The following UQCC1 variants were observed in gnomAD, a reference collection of about 807,000 sequenced individuals.
The protein encoded by UQCC1 is ubiquinol-cytochrome c reductase complex assembly factor 1.
Under a neutral mutation model 48.0 loss-of-function variants are expected in UQCC1, and 38 were observed. That is an observed-to-expected ratio of 0.79 (90% CI 0.61 to 1.04). UQCC1 has a LOEUF of 1.04. UQCC1 is among the 50% of genes least tolerant of loss of function. The probability of loss-of-function intolerance (pLI) is 0.00; values close to 1 mark genes in which losing one functional copy is unlikely to be tolerated. For missense variants in UQCC1, 368 were observed against 381.8 expected (o/e 0.96, Z 0.30); for synonymous variants, 111 against 129.2 (o/e 0.86, Z 0.95).
intron 6 of UQCC1, among the ~76,000 whole-genome samples, chr20:35,362,842 C>A (rs1245498863): frequency 1.3e-5 from 2 of 151,932 alleles, no homozygotes; most frequent in Non-Finnish European, 2.9e-5. Flanking sequence ...TCAGTGAAAT[C>A]AATTTAGTGG....
intron 2 of UQCC1, among the ~76,000 whole-genome samples, chr20:35,385,291 T>C (rs2061928432): frequency 6.6e-6 from 1 of 152,176 alleles, no homozygotes; most frequent in African/African-American, 2.4e-5. Context: ...ATCACCAGCA[T>C]TATTGTTTGG....
At chr20:35,410,725 C>CAAAAAAAAA (rs1427834637) in intron 1 of UQCC1, among the ~76,000 whole-genome samples, 59 of 22,348 alleles carry the variant, frequency 2.6e-3, no homozygotes, top group South Asian at 0.012. Flanking sequence ...AAAAAAAAAA[C>CAAAAAAAAA]AAAACCCTAA....
chr20:35,352,692 T>TTC (rs34993593), intron 6 of UQCC1, among the ~76,000 whole-genome samples: 82,293 of 151,808 alleles, frequency 0.54, 23,332 homozygotes, highest in East Asian at 0.71. Context: ...TTGGTTTTTG[T>TTC]TTTTTTCAGA....
At chr20:35,356,236 G>T (rs981919519) in intron 6 of UQCC1, among the ~76,000 whole-genome samples, 1 of 152,150 alleles carries the variant, frequency 6.6e-6, no homozygotes, top group Non-Finnish European at 1.5e-5. Flanking sequence ...ATCTGATATT[G>T]GAATGGAAGG....
intron 4 of UQCC1, among the ~76,000 whole-genome samples, chr20:35,378,172 C>T (rs948356716): frequency 6.6e-6 from 1 of 152,198 alleles, no homozygotes; most frequent in African/African-American, 2.4e-5. Context: ...TAGAAGACTT[C>T]ATCAGTCATC....
chr20:35,361,355 C>G (rs2061603290), intron 6 of UQCC1, among the ~76,000 whole-genome samples: 1 of 151,996 alleles, frequency 6.6e-6, no homozygotes, highest in African/African-American at 2.4e-5. Flanking sequence ...CCCTGACTGA[C>G]CCACCCCTAA....
intron 1 of UQCC1, among the ~76,000 whole-genome samples, chr20:35,396,871 G>A (rs922859932): frequency 6.6e-6 from 1 of 152,088 alleles, no homozygotes; most frequent in African/African-American, 2.4e-5. Flanking sequence ...CAACTCTAGG[G>A]ATCTGAGGGT....
chr20:35,351,079 C>G (rs2061485334), intron 6 of UQCC1, among the ~76,000 whole-genome samples: 1 of 151,274 alleles, frequency 6.6e-6, no homozygotes, highest in Admixed American at 6.6e-5. Context: ...CCTCTGACCC[C>G]AGGTAGTGCT....
At chr20:35,311,827 T>G (rs534054972) in intron 8 of UQCC1, among the ~76,000 whole-genome samples, 119 of 152,318 alleles carry the variant, frequency 7.8e-4, no homozygotes, top group African/African-American at 2.8e-3. Context: ...TCCCAGGTAA[T>G]TAGTATATTT....
chr20:35,358,223 A>AG (rs1229205017), intron 6 of UQCC1, among the ~76,000 whole-genome samples: 1 of 151,652 alleles, frequency 6.6e-6, no homozygotes, highest in Non-Finnish European at 1.5e-5. Flanking sequence ...GCATGGTGGC[A>AG]GGTGCCTGTG....
chr20:35,318,253 A>C (rs1049383326), intron 7 of UQCC1, among the ~76,000 whole-genome samples: 1 of 152,240 alleles, frequency 6.6e-6, no homozygotes, highest in Non-Finnish European at 1.5e-5. Context: ...CCTTGAGGAA[A>C]GGGTGAACTG....
intron 8 of UQCC1, chr20:35,307,065 G>A: frequency 4.3e-6 from 2 of 462,362 alleles, no homozygotes; most frequent in Non-Finnish European, 8.0e-6. Context: ...ACTCCGTACT[G>A]CGCCTGGCCC....
intron 6 of UQCC1, among the ~76,000 whole-genome samples, chr20:35,348,798 T>C (rs573011356): frequency 7.1e-4 from 108 of 152,226 alleles, no homozygotes; most frequent in Admixed American, 2.0e-3. Context: ...AGATTACAGG[T>C]GTGCACCACC....
At chr20:35,307,135 A>G (rs970851519) in intron 8 of UQCC1, 22 of 359,186 alleles carry the variant, frequency 6.1e-5, no homozygotes, top group Non-Finnish European at 1.2e-4. Flanking sequence ...CCTGCTGTCC[A>G]TAGCAGCAAT....
At position 35,406,922 on chromosome 20, in the gene UQCC1, T is replaced by C. The variant is rs78022302; in HGVS notation, c.24+5018A>G. The stretch of plus-strand genomic sequence containing the variant: ...CGTATTAATCCAAACAAGACTGTTA[T>C]GAATTAAGATGTTCATTGTAATCCC... On this transcript the variant is annotated intron_variant, in intron 1 of 9. Transcript: ENST00000374385. Among the ~76,000 whole-genome samples the C allele has an allele frequency of 3.1e-4, 47 of 152,306 alleles. No homozygotes were observed. In the East Asian group the frequency reaches 3.9e-3, roughly 13 times the overall value.
intron 4 of UQCC1, among the ~76,000 whole-genome samples, 191 bp downstream of exon 4, chr20:35,381,727 C>T (rs1406947): frequency 0.53 from 81,153 of 151,932 alleles, 22,691 homozygotes; most frequent in East Asian, 0.71. Context: ...AGGGGACACC[C>T]GCCTACCCAG....
Position 35,303,995 on chromosome 20 carries a change from C to T in UQCC1, c.840G>A (p.Glu280=), listed in dbSNP as rs1466325238. The T allele has an allele frequency of 1.9e-6, 3 of 1,614,204 alleles. No individual in the cohort carries two copies. Among genetic ancestry groups the T allele is most frequent in the Non-Finnish European group, 2.5e-6 (3 of 1,180,024 alleles). Residue 280 remains glutamate (E), a synonymous_variant, in exon 10 of 10, where the codon GAG becomes GAA. Transcript: ENST00000374385. The stretch of plus-strand genomic sequence containing the variant: ...GCTTCAGGATGCTCTGAGGATTCTT[C>T]TCCACTAGAGGGCGCCAGCTCACCT... ...TGEVSWRPLV[E]KNPQSILKPH... is the part of the protein sequence containing the mutation.
At chr20:35,403,067 CA>C (rs10707620) in intron 1 of UQCC1, among the ~76,000 whole-genome samples, 91,751 of 134,898 alleles carry the variant, frequency 0.68, 29,663 homozygotes, top group East Asian at 0.88. Flanking sequence ...GACTTCGTCT[CA>C]AAAAAAAAAA....
Position 35,306,780 on chromosome 20 carries a change from C to T in UQCC1, c.652-1G>A. 6.2e-7 allele frequency: 1 copy of T among 1,611,970 alleles called. No homozygotes were observed. The highest frequency in any genetic ancestry group is 8.5e-7 in the Non-Finnish European group (1 of 1,178,068). ...GCCCATGATCATCTGAAAGGATCCC[C>T]TGGAACATACAGCACAGCAGTGGTC... On this transcript the variant is annotated splice_acceptor_variant, in intron 8 of 9. Coordinates refer to ENST00000374385, the MANE Select transcript of UQCC1 (RefSeq NM_018244.5). LOFTEE classifies it high-confidence loss of function.
Sources: gnomAD v4.1 joint callset for allele counts (sites outside exome capture counted in the v4.1 genomes callset) on GRCh38, gnomAD v4.1.1 for gene constraint, MANE v1.5 for transcripts, NCBI Gene and HGNC (gene_info 2026-07-23, HGNC 2026-07-21) for gene names.